RAB3GAP1: variants seen among roughly 807,000 people sequenced by gnomAD.
RAB3GAP1 encodes the protein RAB3 GTPase activating protein catalytic subunit 1, also known as rab3 GTPase-activating protein catalytic subunit.
In RAB3GAP1, 86 loss-of-function variants were observed where a neutral mutation model predicts 130.7. The ratio of observed to expected loss-of-function variants is 0.66; its 90% CI spans 0.55 to 0.79. RAB3GAP1 has a LOEUF of 0.79. RAB3GAP1 is among the 30% of genes least tolerant of loss of function. The pLI is 0.00. For missense variants in RAB3GAP1, 1,029 were observed against 1,169.4 expected (o/e 0.88, Z 1.75); for synonymous variants, 367 against 401.7 (o/e 0.91, Z 1.03).
At chr2:135,117,495 GCTTCTTCTTCTT>G (rs1229163423) in intron 7 of RAB3GAP1, among the ~76,000 whole-genome samples, 1 of 42,180 alleles carries the variant, frequency 2.4e-5, no homozygotes, top group Admixed American at 2.6e-4. Flanking sequence ...TTCTTCTTCT[GCTTCTTCTTCTT>G]CTTCTGCTTC....
At chr2:135,124,391 G>A in intron 9 of RAB3GAP1, 145 bp downstream of exon 9, 2 of 919,066 alleles carry the variant, frequency 2.2e-6, no homozygotes, top group Non-Finnish European at 3.4e-6. Context: ...ACCTGGGCTG[G>A]GCACAGGCTC....
chr2:135,169,627 C>T lies in RAB3GAP1; in HGVS notation c.*846C>T, dbSNP rs1259269073. 1 of 376,048 alleles carries T rather than the reference C, an allele frequency of 2.7e-6. No individual in the cohort carries two copies. Among genetic ancestry groups the T allele is most frequent in the Non-Finnish European group, 5.4e-6 (1 of 185,864 alleles). 23.3% of individuals were successfully genotyped at this position (376,048 alleles called of 1,614,324 possible). A position where few individuals can be genotyped will look rare whatever the true frequency, so the allele number is the denominator to read the frequency against. ...GTAGAGAATAGCACTTGCAAAAATA[C>T]AGTCTTGGTACCTAGAGACTGTCAT... On this transcript the variant is annotated 3_prime_UTR_variant, in exon 24 of 24. Coordinates refer to ENST00000264158, the MANE Select transcript of RAB3GAP1 (RefSeq NM_012233.3).
chr2:135,082,912 C>T (rs548459756), intron 3 of RAB3GAP1, among the ~76,000 whole-genome samples: 45 of 152,222 alleles, frequency 3.0e-4, no homozygotes, highest in African/African-American at 1.1e-3. Flanking sequence ...ATGCTCAAGT[C>T]CCTTTTATAA....
At chr2:135,123,442 A>G (rs1392008175) in intron 8 of RAB3GAP1, among the ~76,000 whole-genome samples, 3 of 152,198 alleles carry the variant, frequency 2.0e-5, no homozygotes, top group Admixed American at 6.5e-5. Flanking sequence ...ATCAGATGTG[A>G]TTTTAGCAAA....
chr2:135,106,760 A>AAAAAAAAT (rs754104740), intron 5 of RAB3GAP1, among the ~76,000 whole-genome samples: 3 of 150,364 alleles, frequency 2.0e-5, no homozygotes, highest in Non-Finnish European at 4.4e-5. Flanking sequence ...AAATACTAAA[A>AAAAAAAAT]AAAAAAATAA....
downstream of RAB3GAP1, among the ~76,000 whole-genome samples, chr2:135,173,416 G>A (rs1692914305): frequency 1.3e-5 from 2 of 152,040 alleles, no homozygotes; most frequent in African/African-American, 4.8e-5. Flanking sequence ...TGTCTTAGAA[G>A]CTAAGAAAAA....
At chr2:135,149,973 T>C (rs1428151932) in intron 17 of RAB3GAP1, among the ~76,000 whole-genome samples, 1 of 152,214 alleles carries the variant, frequency 6.6e-6, no homozygotes, top group Non-Finnish European at 1.5e-5. Context: ...GAGCAATTAT[T>C]TCTATATCAA....
intron 3 of RAB3GAP1, among the ~76,000 whole-genome samples, chr2:135,079,453 A>G (rs1689723251): frequency 1.3e-5 from 2 of 152,268 alleles, no homozygotes; most frequent in Middle Eastern, 3.4e-3. Context: ...ATGGCTTTCC[A>G]TTGCCTACAG....
chr2:135,137,720 T>C (rs150110505), intron 17 of RAB3GAP1, among the ~76,000 whole-genome samples: 190 of 152,340 alleles, frequency 1.2e-3, no homozygotes, highest in East Asian at 7.3e-3. Context: ...AGCTTTTATC[T>C]GTTCAAAAAT....
intron 9 of RAB3GAP1, among the ~76,000 whole-genome samples, chr2:135,125,802 T>C (rs942362032): frequency 1.3e-5 from 2 of 152,212 alleles, no homozygotes; most frequent in Admixed American, 1.3e-4. Flanking sequence ...TTTCACTTAA[T>C]ATTTTCAGAC....
chr2:135,052,585 G>A, intron 2 of RAB3GAP1, 100 bp downstream of exon 2: 2 of 1,388,106 alleles, frequency 1.4e-6, no homozygotes, highest in South Asian at 1.2e-5. Flanking sequence ...CCACTTGTGC[G>A]GGAACGGTAA....
At chr2:135,065,894 C>G (rs1689307858) in intron 3 of RAB3GAP1, among the ~76,000 whole-genome samples, 2 of 151,966 alleles carry the variant, frequency 1.3e-5, no homozygotes, top group South Asian at 4.2e-4. Flanking sequence ...CCTCAGCCTC[C>G]TCAGTAGCTG....
chr2:135,164,301 T>G (rs972905097), intron 22 of RAB3GAP1, among the ~76,000 whole-genome samples: 16 of 152,258 alleles, frequency 1.1e-4, no homozygotes, highest in African/African-American at 3.4e-4. Context: ...CTGTAGCATT[T>G]TCTAAGCTTC....
In RAB3GAP1 at chr2:135,136,707, C is replaced by G. The variant is rs147722757; in HGVS notation, c.1923+775C>G. 3.2e-4 allele frequency: 411 copies of G among 1,295,432 alleles called. 2 individuals are homozygous for G. The African/African-American group carries it at 5.8e-3, about 18-fold the overall frequency. The allele number at this position is 1,295,432 out of a possible 1,614,324, so 80.2% of individuals were successfully genotyped here. A position where few individuals can be genotyped will look rare whatever the true frequency, so the allele number is the denominator to read the frequency against. Reference sequence around the variant, plus strand: ...AAAAAATAAATCCTCTTTTGCAACCCAGAACTCATTGTTCAGTATGAGTTT... The same window carrying G: ...AAAAAATAAATCCTCTTTTGCAACCGAGAACTCATTGTTCAGTATGAGTTT... On this transcript the variant is annotated intron_variant, in intron 17 of 23. Coordinates refer to ENST00000264158, the MANE Select transcript of RAB3GAP1 (RefSeq NM_012233.3).
intron 13 of RAB3GAP1, among the ~76,000 whole-genome samples, chr2:135,131,068 A>G (rs1428560877): frequency 6.6e-6 from 1 of 152,186 alleles, no homozygotes; most frequent in Non-Finnish European, 1.5e-5. Context: ...GAGGTTCGAG[A>G]GCATGTTGAA....
At chr2:135,171,844 T>TC (rs1639108794), downstream of RAB3GAP1, among the ~76,000 whole-genome samples, 1 of 152,038 alleles carries the variant, frequency 6.6e-6, no homozygotes, top group Non-Finnish European at 1.5e-5. Flanking sequence ...CAGTGACACT[T>TC]GGGCAGAGAC....
intron 11 of RAB3GAP1, 76 bp downstream of exon 11, chr2:135,126,732 C>A: frequency 1.6e-6 from 2 of 1,241,038 alleles, no homozygotes; most frequent in South Asian, 1.2e-5. Context: ...TGCATACATT[C>A]TTTATACTTT....
chr2:135,062,193 C>T (rs1689194844), intron 3 of RAB3GAP1, among the ~76,000 whole-genome samples: 2 of 152,164 alleles, frequency 1.3e-5, no homozygotes, highest in African/African-American at 4.8e-5. Flanking sequence ...GGATTACGGG[C>T]ATGAGGCACT....
chr2:135,069,872 C>T (rs1251107762), intron 3 of RAB3GAP1, among the ~76,000 whole-genome samples: 2 of 152,228 alleles, frequency 1.3e-5, no homozygotes, highest in Non-Finnish European at 2.9e-5. Flanking sequence ...CTTTCTGTGC[C>T]TCCCTCCAGG....
Sources: gnomAD v4.1 joint callset for allele counts (sites outside exome capture counted in the v4.1 genomes callset) on GRCh38, gnomAD v4.1.1 for gene constraint, MANE v1.5 for transcripts, NCBI Gene and HGNC (gene_info 2026-07-23, HGNC 2026-07-21) for gene names.